The following AKAP13 variants were observed in gnomAD, a reference collection of about 807,000 sequenced individuals.
The protein encoded by AKAP13 is A-kinase anchoring protein 13.
Under a neutral mutation model 264.5 loss-of-function variants are expected in AKAP13, and 80 were observed. The observed-to-expected ratio is 0.30, with a 90% CI of 0.25 to 0.36. The LOEUF is 0.36. Among genes scored for constraint, AKAP13 ranks in the 10% least tolerant of loss-of-function variants. AKAP13 has a pLI of 1.00. For synonymous variants in AKAP13, 1,380 were observed against 1,250.2 expected, an observed-to-expected ratio of 1.10 and a Z score of -2.19; for missense variants, 3,712 against 3,435.2, an observed-to-expected ratio of 1.08 and a Z score of -2.01.
rs2087930632 is a variant in AKAP13, at chr15:85,730,569, A to T, written c.7144A>T (p.Ile2382Phe). The change falls in exon 30 of 37, where the codon ATT becomes TTT. Residue 2382 changes from isoleucine (I) to phenylalanine (F), a missense_variant. This residue lies in a region of AKAP13 where 342 missense variants were observed against 484.3 expected (regional missense o/e 0.71). Transcript: ENST00000394518. ...ACTCTTGTTGGAAGAGAAGGAGATG[A>T]TTTTCCGGGACATGGCTGAGTGCAG... The part of the protein sequence containing the change: ...ILLLLEEKEM[I>F]FRDMAECSTP... 1 of 1,614,036 alleles carries T rather than the reference A, an allele frequency of 6.2e-7. No homozygotes were observed. The highest frequency in any genetic ancestry group is 1.7e-5 in the Admixed American group (1 of 60,002).
chr15:85,547,031 C>T (rs777655138), intron 5 of AKAP13, among the ~76,000 whole-genome samples: 2 of 152,174 alleles, frequency 1.3e-5, no homozygotes, highest in Non-Finnish European at 1.5e-5. Context: ...CGTGAGCCAC[C>T]GCGCCCAGCC....
intron 16 of AKAP13, among the ~76,000 whole-genome samples, chr15:85,687,421 A>C (rs1188448651): frequency 2.0e-5 from 3 of 152,202 alleles, no homozygotes; most frequent in South Asian, 2.1e-4. Context: ...ATCTGTGATC[A>C]CTGGTAGAAA....
intron 5 of AKAP13, among the ~76,000 whole-genome samples, chr15:85,573,546 A>AAAATAAATAAAT (rs141173816): frequency 0.18 from 25,799 of 145,684 alleles, 2,663 homozygotes; most frequent in Non-Finnish European, 0.24. Context: ...CTCTGTCTCA[A>AAAATAAATAAAT]AAATAAATAA....
At chr15:85,740,394 T>TTCCCTAGACTG in intron 34 of AKAP13, 122 bp downstream of exon 34, 2 of 1,077,296 alleles carry the variant, frequency 1.9e-6, no homozygotes, top group Non-Finnish European at 2.7e-6. Context: ...GCCCTCAGTC[T>TTCCCTAGACTG]AGGGAAGACT....
chr15:85,606,117 G>GT (rs2080318744), intron 8 of AKAP13, among the ~76,000 whole-genome samples: 1 of 41,780 alleles, frequency 2.4e-5, no homozygotes, highest in Non-Finnish European at 4.5e-5. Context: ...TTTTTTTTTT[G>GT]TTGAGATGTA....
At chr15:85,737,491 G>T (rs913424525) in intron 33 of AKAP13, among the ~76,000 whole-genome samples, 5 of 152,082 alleles carry the variant, frequency 3.3e-5, no homozygotes, top group African/African-American at 9.7e-5. Context: ...TGCTTTTAAC[G>T]TTAAGTTAAA....
chr15:85,546,927 A>G (rs1377340650), intron 5 of AKAP13, among the ~76,000 whole-genome samples: 2 of 152,114 alleles, frequency 1.3e-5, no homozygotes, highest in Middle Eastern at 3.4e-3. Flanking sequence ...TATTTTTAGT[A>G]GAGACGGGGT....
chr15:85,512,997 C>T (rs1456240057), intron 2 of AKAP13, among the ~76,000 whole-genome samples: 2 of 152,114 alleles, frequency 1.3e-5, no homozygotes, highest in Non-Finnish European at 2.9e-5. Flanking sequence ...GCTGGGACTA[C>T]AGGCACCCAC....
chr15:85,595,021 A>G (rs2079749726), intron 8 of AKAP13, among the ~76,000 whole-genome samples: 2 of 152,154 alleles, frequency 1.3e-5, no homozygotes, highest in African/African-American at 2.4e-5. Context: ...AATTTCATTC[A>G]TTTATTCATT....
chr15:85,392,572 C>T (rs2070920162), intron 1 of AKAP13, among the ~76,000 whole-genome samples: 1 of 152,134 alleles, frequency 6.6e-6, no homozygotes, highest in Non-Finnish European at 1.5e-5. Flanking sequence ...AGAGTATTTT[C>T]TTTCTTTTTT....
At chr15:85,463,020 T>C (rs1253136641) in intron 1 of AKAP13, among the ~76,000 whole-genome samples, 2 of 48,134 alleles carry the variant, frequency 4.2e-5, no homozygotes, top group Admixed American at 3.8e-4. Flanking sequence ...CGAGACTCCG[T>C]CTCAAAAAAA....
chr15:85,534,231 G>T, intron 4 of AKAP13: 1 of 317,870 alleles, frequency 3.1e-6, no homozygotes, highest in Non-Finnish European at 5.7e-6. Context: ...CAAAGACATG[G>T]TTTTCATTAT....
chr15:85,439,826 G>A (rs1425618944), intron 1 of AKAP13, among the ~76,000 whole-genome samples: 1 of 105,298 alleles, frequency 9.5e-6, no homozygotes, highest in East Asian at 3.5e-4. Context: ...GTGGTGGGGT[G>A]GGGGGAGGGG....
intron 1 of AKAP13, among the ~76,000 whole-genome samples, chr15:85,433,202 T>G (rs2073109156): frequency 6.7e-6 from 1 of 149,274 alleles, no homozygotes; most frequent in African/African-American, 2.5e-5. Flanking sequence ...ATTTAACCAG[T>G]TCTCTGTTGT....
At chr15:85,685,015 A>G in intron 16 of AKAP13, 142 bp downstream of exon 16, 2 of 1,075,540 alleles carry the variant, frequency 1.9e-6, no homozygotes, top group Non-Finnish European at 2.6e-6. Context: ...TAATATTTAA[A>G]GGAAAATAAT....
At chr15:85,717,106 T>C in intron 20 of AKAP13, 184 bp from the exon 21 acceptor site, 4 of 518,730 alleles carry the variant, frequency 7.7e-6, no homozygotes, top group South Asian at 2.7e-5. Context: ...TGATACTAAA[T>C]GCTCCCGACT....
intron 1 of AKAP13, among the ~76,000 whole-genome samples, chr15:85,484,305 T>C (rs996109677): frequency 9.2e-5 from 14 of 152,264 alleles, no homozygotes; most frequent in Admixed American, 9.2e-4. Flanking sequence ...TGGTTGGTTA[T>C]TGCTGCCTTT....
intron 14 of AKAP13, among the ~76,000 whole-genome samples, chr15:85,675,285 A>G (rs563558233): frequency 6.6e-6 from 1 of 152,232 alleles, no homozygotes; most frequent in African/African-American, 2.4e-5. Context: ...TTACTTTTGC[A>G]CAAGACTCTG....
intron 1 of AKAP13, among the ~76,000 whole-genome samples, chr15:85,463,463 T>C (rs17553249): frequency 0.3 from 45,720 of 151,840 alleles, 9,116 homozygotes; most frequent in Non-Finnish European, 0.44. Flanking sequence ...TTTCTGGGTC[T>C]TACAGATCCA....
Sources: gnomAD v4.1 joint callset for allele counts (sites outside exome capture counted in the v4.1 genomes callset) on GRCh38, gnomAD v4.1.1 for gene constraint, gnomAD v4.1.1 regional missense constraint, MANE v1.5 for transcripts, NCBI Gene and HGNC (gene_info 2026-07-23, HGNC 2026-07-21) for gene names.